DLC1: variants seen among roughly 807,000 people sequenced by gnomAD.
The protein encoded by DLC1 is rho GTPase-activating protein 7.
Under a neutral mutation model 140.3 loss-of-function variants are expected in DLC1, and 54 were observed. The ratio of observed to expected loss-of-function variants is 0.38; its 90% confidence interval spans 0.31 to 0.48. The LOEUF is 0.48. Among genes scored for constraint, DLC1 ranks in the 20% least tolerant of loss-of-function variants. The pLI is 0.96. For synonymous variants in DLC1, 986 were observed against 728.1 expected (o/e 1.35, Z -5.70); for missense variants, 2,536 against 1,907.0 (o/e 1.33, Z -6.14).
intron 5 of DLC1, among the ~76,000 whole-genome samples, chr8:13,222,626 A>G (rs1183825081): frequency 6.6e-6 from 1 of 152,162 alleles, no homozygotes; most frequent in African/African-American, 2.4e-5. Context: ...CAGTTTTGCT[A>G]TAGCTTCTGC....
chr8:13,504,121 A>ATTTTTTTT (rs370240794), intron 1 of DLC1, among the ~76,000 whole-genome samples: 1 of 126,450 alleles, frequency 7.9e-6, no homozygotes, highest in African/African-American at 3.0e-5. Context: ...ATTTCAGAGA[A>ATTTTTTTT]TTTTTTTTTT....
intron 5 of DLC1, among the ~76,000 whole-genome samples, chr8:13,175,251 G>C (rs527244695): frequency 1.3e-5 from 2 of 149,904 alleles, no homozygotes; most frequent in Non-Finnish European, 3.0e-5. Context: ...TGTGGTTTTG[G>C]CTACTGTAGC....
intron 2 of DLC1, among the ~76,000 whole-genome samples, chr8:13,405,228 A>G (rs1444074181): frequency 6.6e-6 from 1 of 152,082 alleles, no homozygotes; most frequent in East Asian, 1.9e-4. Context: ...CTGGGGTATG[A>G]CTGATCCTGT....
chr8:13,219,118 A>G (rs192469274), intron 5 of DLC1, among the ~76,000 whole-genome samples: 12,407 of 64,548 alleles, frequency 0.19, 3,911 homozygotes, highest in African/African-American at 0.37. Flanking sequence ...ATATGTGAAT[A>G]TAATTATATA....
rs752046482 is a variant in DLC1, at chr8:13,264,051, T to TC, written c.1348+41217_1348+41218insG. ...TATGACAGCAATAAGAATAAGAAGC[T>TC]TTTTATTTATTTATTTATTTATTTA... On this transcript the variant is annotated intron_variant, in intron 5 of 17. Coordinates refer to ENST00000276297, the MANE Select transcript of DLC1 (RefSeq NM_182643.3). Among the ~76,000 whole-genome samples the TC allele has an allele frequency of 2.8e-5, 4 of 143,782 alleles. No individual in the cohort carries two copies. The East Asian group carries it at 6.3e-4, about 23-fold the overall frequency. The allele number at this position is 143,782 out of a possible 152,430, so 94.3% of individuals were successfully genotyped here. A position where few individuals can be genotyped will look rare whatever the true frequency, so the allele number is the denominator to read the frequency against.
chr8:13,366,824 G>T (rs1179916690), intron 4 of DLC1, among the ~76,000 whole-genome samples: 1 of 152,038 alleles, frequency 6.6e-6, no homozygotes, highest in East Asian at 1.9e-4. Context: ...GCTGTACTTT[G>T]TTCCAGAAGC....
At chr8:13,362,245 A>G (rs577967257) in intron 4 of DLC1, among the ~76,000 whole-genome samples, 2 of 152,324 alleles carry the variant, frequency 1.3e-5, no homozygotes, top group Admixed American at 6.5e-5. Flanking sequence ...AAGCTGAGCA[A>G]TACAGCTTAG....
upstream of DLC1, chr8:13,515,361 C>G (rs1802551895): frequency 6.6e-6 from 1 of 152,176 alleles, no homozygotes; most frequent in African/African-American, 2.4e-5. Flanking sequence ...TCCCAAGCAT[C>G]CAGTTAATAG....
Position 13,278,871 on chromosome 8 carries a change from T to C in DLC1, c.1348+26398A>G, listed in dbSNP as rs560297076. Among the ~76,000 whole-genome samples the C allele has an allele frequency of 1.6e-4, 24 of 152,312 alleles. No individual in the cohort carries two copies. The South Asian group carries it at 4.8e-3, about 30-fold the overall frequency. ...CTAGCAAGTCATCAGAGATCATGTA[T>C]AGGTATTATTATCACTTTTTTAGAG... On this transcript the variant is annotated intron_variant, in intron 5 of 17. Coordinates refer to ENST00000276297, the MANE Select transcript of DLC1 (RefSeq NM_182643.3).
chr8:13,413,424 T>TAC (rs1267980773), intron 2 of DLC1, among the ~76,000 whole-genome samples: 1 of 151,554 alleles, frequency 6.6e-6, no homozygotes, highest in Non-Finnish European at 1.5e-5. Context: ...CTCTCTCTCC[T>TAC]ACACACACAC....
chr8:13,241,414 A>C lies in DLC1; in HGVS notation c.1348+63855T>G, dbSNP rs546461379. Among the ~76,000 whole-genome samples, 23 of 152,052 alleles carry C rather than the reference A, an allele frequency of 1.5e-4. No individual in the cohort carries two copies. The South Asian group carries it at 3.5e-3, about 23-fold the overall frequency. ...ACATTTCCAACCTGATTTGGGGTAC[A>C]TTTTTTTCCCTCTGGTTTCCTTTTC... is the stretch of plus-strand genomic sequence containing the variant. On this transcript the variant is annotated intron_variant, in intron 5 of 17. Transcript: ENST00000276297.
At chr8:13,307,916 T>C (rs370587604) in intron 4 of DLC1, among the ~76,000 whole-genome samples, 11 of 152,244 alleles carry the variant, frequency 7.2e-5, no homozygotes, top group African/African-American at 2.6e-4. Flanking sequence ...GGAAAAAAGT[T>C]TGGATTGGTC....
chr8:13,258,886 C>T (rs898606317), intron 5 of DLC1, among the ~76,000 whole-genome samples: 9 of 151,914 alleles, frequency 5.9e-5, no homozygotes, highest in Admixed American at 1.3e-4. Flanking sequence ...GCCTGTAATC[C>T]CAGCACTTTG....
At chr8:13,413,256 A>T (rs13264491) in intron 2 of DLC1, among the ~76,000 whole-genome samples, 12,852 of 82,116 alleles carry the variant, frequency 0.16, 1,117 homozygotes, top group Middle Eastern at 0.29. Context: ...TTTTTTTGCG[A>T]TTTTTTTTTT....
intron 4 of DLC1, among the ~76,000 whole-genome samples, chr8:13,319,574 C>A (rs1385136867): frequency 8.0e-6 from 1 of 124,276 alleles, no homozygotes; most frequent in African/African-American, 2.8e-5. Context: ...TTCCCCTCGC[C>A]CTCTTCCTCC....
intron 5 of DLC1, among the ~76,000 whole-genome samples, chr8:13,269,664 A>G (rs956015236): frequency 5.6e-5 from 8 of 142,752 alleles, no homozygotes; most frequent in African/African-American, 1.9e-4. Flanking sequence ...TGATGATACT[A>G]CTGCACTCCA....
chr8:13,199,324 C>T (rs1445641034), intron 5 of DLC1, among the ~76,000 whole-genome samples: 1 of 151,718 alleles, frequency 6.6e-6, no homozygotes, highest in East Asian at 1.9e-4. Context: ...GCTGGGAATA[C>T]AGGCATGCAC....
intron 4 of DLC1, among the ~76,000 whole-genome samples, chr8:13,383,440 T>G (rs1836364632): frequency 6.6e-6 from 1 of 152,210 alleles, no homozygotes; most frequent in Non-Finnish European, 1.5e-5. Context: ...GCGTCTCATC[T>G]GCACCTGGAT....
At chr8:13,089,554 G>C (rs952543667) in intron 15 of DLC1, among the ~76,000 whole-genome samples, 33 of 152,066 alleles carry the variant, frequency 2.2e-4, no homozygotes, top group African/African-American at 7.5e-4. Context: ...GAAACCGGGA[G>C]GCAGAGGTTG....
Sources: allele counts gnomAD v4.1 joint callset (sites outside exome capture counted in the v4.1 genomes callset), GRCh38; gene constraint gnomAD v4.1.1; transcripts MANE v1.5; gene names NCBI Gene and HGNC (gene_info 2026-07-23, HGNC 2026-07-21).